Variants in DIAPH3 observed in about 807,000 individuals in gnomAD.
The protein encoded by DIAPH3 is protein diaphanous homolog 3.
In DIAPH3, 117 loss-of-function variants were observed where a neutral mutation model predicts 144.3. The observed-to-expected ratio is 0.81, with a 90% CI of 0.70 to 0.95. DIAPH3 has a LOEUF of 0.95. DIAPH3 is among the 40% of genes least tolerant of loss of function. The probability of loss-of-function intolerance (pLI) is 0.00; values close to 1 mark genes in which losing one functional copy is unlikely to be tolerated. For missense variants in DIAPH3, 1,421 were observed against 1,412.7 expected, an observed-to-expected ratio of 1.01 and a Z score of -0.09; for synonymous variants, 519 against 488.9, an observed-to-expected ratio of 1.06 and a Z score of -0.81.
At chr13:59,876,880 C>T (rs1156631706) in intron 21 of DIAPH3, among the ~76,000 whole-genome samples, 2 of 152,076 alleles carry the variant, frequency 1.3e-5, no homozygotes, top group Admixed American at 6.6e-5. Context: ...TCTTACTTTG[C>T]CTTCCTTCTC....
intron 18 of DIAPH3, among the ~76,000 whole-genome samples, chr13:59,917,857 T>G (rs2047298019): frequency 8.9e-6 from 1 of 112,172 alleles, no homozygotes; most frequent in Non-Finnish European, 1.6e-5. Context: ...ACCACTGCAC[T>G]CCAGCCTGGG....
intron 12 of DIAPH3, among the ~76,000 whole-genome samples, chr13:59,984,111 C>T (rs1008559814): frequency 7.3e-5 from 11 of 151,578 alleles, no homozygotes; most frequent in Non-Finnish European, 1.3e-4. Context: ...TTAGGAAATA[C>T]AGTATCCCTT....
intron 27 of DIAPH3, among the ~76,000 whole-genome samples, chr13:59,725,519 C>T (rs934466296): frequency 2.6e-5 from 4 of 152,158 alleles, no homozygotes; most frequent in African/African-American, 9.7e-5. Flanking sequence ...ACCTTATTTA[C>T]ATTCTATTGC....
chr13:59,769,315 T>G (rs1354381425), intron 27 of DIAPH3, among the ~76,000 whole-genome samples: 1 of 152,138 alleles, frequency 6.6e-6, no homozygotes, highest in Non-Finnish European at 1.5e-5. Context: ...ACCAAAGTCT[T>G]CTTTCAACCT....
At chr13:59,883,028 T>A (rs965613123) in intron 20 of DIAPH3, among the ~76,000 whole-genome samples, 1 of 152,160 alleles carries the variant, frequency 6.6e-6, no homozygotes, top group Non-Finnish European at 1.5e-5. Flanking sequence ...TTCAAAATTT[T>A]GTTTGTTGGC....
chr13:60,128,453 A>AT (rs1169637043), intron 2 of DIAPH3, among the ~76,000 whole-genome samples: 2 of 152,138 alleles, frequency 1.3e-5, no homozygotes, highest in Non-Finnish European at 2.9e-5. Flanking sequence ...ATCATACCTC[A>AT]TTTTTTGAAA....
At chr13:59,880,961 G>C (rs1404419496) in intron 20 of DIAPH3, among the ~76,000 whole-genome samples, 1 of 97,186 alleles carries the variant, frequency 1.0e-5, no homozygotes, top group South Asian at 3.7e-4. Flanking sequence ...AACAAAGAAT[G>C]TAAGTTCAAC....
chr13:60,097,814 G>T (rs1164506075), intron 3 of DIAPH3, among the ~76,000 whole-genome samples: 1 of 151,950 alleles, frequency 6.6e-6, no homozygotes, highest in African/African-American at 2.4e-5. Context: ...GAAATAAGGG[G>T]GCAGTAGAGA....
At chr13:59,820,955 A>G (rs1756012102) in intron 24 of DIAPH3, among the ~76,000 whole-genome samples, 1 of 151,838 alleles carries the variant, frequency 6.6e-6, no homozygotes, top group African/African-American at 2.4e-5. Flanking sequence ...AACATATTAT[A>G]ATATCCTGTA....
At chr13:60,147,307 G>A (rs1022754719) in intron 1 of DIAPH3, 1 of 152,124 alleles carries the variant, frequency 6.6e-6, no homozygotes, top group African/African-American at 2.4e-5. Context: ...AGCAGCCAAG[G>A]TTCTTAAGTA....
At position 59,916,163 on chromosome 13, in the gene DIAPH3, T is replaced by C. The variant is rs758753777; in HGVS notation, c.2257A>G (p.Met753Val). The C allele has an allele frequency of 2.5e-6, 4 of 1,612,644 alleles. No individual in the cohort carries two copies. The highest frequency in any genetic ancestry group is 3.3e-5 in the Admixed American group (2 of 59,964). Reference protein sequence around the residue: ...EVDETRLAESMIQNLIKHLPD... With the variant: ...EVDETRLAESVIQNLIKHLPD... ...TGTGCCTGTTTGTTTACCTGAATCA[T>C]AGACTCTGCCAACCGTGTTTCATCT... Residue 753 changes from methionine to valine, a missense_variant, in exon 19 of 28, where the codon ATG (methionine) becomes GTG (valine). Met to Val is a conservative substitution (Grantham distance 21). Transcript: ENST00000400324.
chr13:59,731,340 G>A (rs1180552539), intron 27 of DIAPH3, among the ~76,000 whole-genome samples: 1 of 151,894 alleles, frequency 6.6e-6, no homozygotes. Context: ...CAAGACATTG[G>A]GGAAAAAACT....
chr13:59,951,614 CTACT>C lies in DIAPH3; in HGVS notation c.2074+18326_2074+18329del, dbSNP rs569388588. ...ATACTATTTTGATCTTCATATTTCC[CTACT>C]TAAAGACTTTATTAGTTTCTATAAT... is the stretch of plus-strand genomic sequence containing the variant. On this transcript the variant is annotated intron_variant, in intron 17 of 27. Coordinates refer to ENST00000400324, the MANE Select transcript of DIAPH3 (RefSeq NM_001042517.2). 7.4e-4 allele frequency among the ~76,000 whole-genome samples: 112 copies of C among 152,226 alleles called. 2 individuals carry two copies. In the East Asian group the frequency reaches 8.3e-3, roughly 11 times the overall value.
intron 27 of DIAPH3, among the ~76,000 whole-genome samples, chr13:59,748,663 A>G (rs926945840): frequency 2.6e-5 from 4 of 152,192 alleles, no homozygotes; most frequent in Non-Finnish European, 4.4e-5. Context: ...TTTTTCTTCA[A>G]TCAGCTGCTG....
chr13:59,696,578 C>G (rs1336821300), intron 27 of DIAPH3, among the ~76,000 whole-genome samples: 1 of 152,146 alleles, frequency 6.6e-6, no homozygotes, highest in Non-Finnish European at 1.5e-5. Flanking sequence ...CATAACTGAG[C>G]AAAAGGCAGG....
chr13:59,983,964 G>C, intron 12 of DIAPH3, 77 bp from the exon 13 acceptor site: 1 of 927,110 alleles, frequency 1.1e-6, no homozygotes, highest in Non-Finnish European at 1.7e-6. Context: ...TTTTGGCTAA[G>C]ATTGATTTCA....
intron 17 of DIAPH3, among the ~76,000 whole-genome samples, chr13:59,968,066 TCAC>T (rs2050157397): frequency 6.6e-6 from 1 of 152,222 alleles, no homozygotes. Context: ...GATCACCTTT[TCAC>T]CTTAATCTTT....
At chr13:59,888,738 G>A (rs547866948) in intron 20 of DIAPH3, among the ~76,000 whole-genome samples, 2 of 152,148 alleles carry the variant, frequency 1.3e-5, no homozygotes, top group South Asian at 4.1e-4. Context: ...TTGCCTGAAG[G>A]ACAACTTTTA....
chr13:59,898,867 G>T (rs1215921173), intron 20 of DIAPH3, among the ~76,000 whole-genome samples: 1 of 152,168 alleles, frequency 6.6e-6, no homozygotes, highest in African/African-American at 2.4e-5. Flanking sequence ...TGCCAAAGGA[G>T]AAGATTAACA....
Sources: gnomAD v4.1 joint callset for allele counts (sites outside exome capture counted in the v4.1 genomes callset) on GRCh38, gnomAD v4.1.1 for gene constraint, MANE v1.5 for transcripts, NCBI Gene and HGNC (gene_info 2026-07-23, HGNC 2026-07-21) for gene names.